Variants in EVC2 observed in about 807,000 individuals in gnomAD.
EVC2 encodes limbin.
In EVC2, 148 loss-of-function variants were observed where a neutral mutation model predicts 149.3. The ratio of observed to expected loss-of-function variants is 0.99; its 90% CI spans 0.87 to 1.14. The LOEUF (loss-of-function observed/expected upper bound fraction) is 1.14, where lower values mean the gene tolerates loss of function less well. EVC2 is among the 50% of genes most tolerant of loss of function. The pLI is 0.00. For missense variants in EVC2, 1,854 were observed against 1,627.3 expected (o/e 1.14, Z -2.40); for synonymous variants, 776 against 649.9 (o/e 1.19, Z -2.95).
At chr4:5,609,051 C>T (rs540239367) in intron 16 of EVC2, among the ~76,000 whole-genome samples, 2 of 152,230 alleles carry the variant, frequency 1.3e-5, no homozygotes, top group South Asian at 4.2e-4. Flanking sequence ...ACACCAGCAG[C>T]TCCCCTAGTT....
chr4:5,694,390 G>C lies in EVC2; in HGVS notation c.395C>G (p.Pro132Arg). 5.6e-6 allele frequency: 9 copies of C among 1,614,108 alleles called. No individual in the cohort carries two copies. Among genetic ancestry groups the C allele is most frequent in the Non-Finnish European group, 7.6e-6 (9 of 1,180,014 alleles). ...PWAHSLFAFI[P>R]SWPKKNLFKR... is the part of the protein sequence containing the mutation. Reference sequence around the variant, plus strand: ...AAATAAGTTCTTCTTAGGCCAGGAGGGTATAAAAGCAAATAAGGAATGAGC... The same window carrying C: ...AAATAAGTTCTTCTTAGGCCAGGAGCGTATAAAAGCAAATAAGGAATGAGC... Residue 132 changes from proline (P) to arginine (R), a missense_variant, in exon 3 of 22, where the codon CCC (proline) becomes CGC (arginine). By Grantham distance (103) the Pro-to-Arg change is moderately radical (BLOSUM62 -2). Transcript: ENST00000344408.
chr4:5,532,132 G>C, the EVC2 span, among the ~76,000 whole-genome samples: 2 of 152,058 alleles, frequency 1.3e-5, no homozygotes, highest in African/African-American at 4.8e-5. Context: ...TATTGATAGA[G>C]ATTTACTTTA....
intron 9 of EVC2, among the ~76,000 whole-genome samples, chr4:5,650,383 A>G (rs1718019491): frequency 6.6e-6 from 1 of 151,880 alleles, no homozygotes; most frequent in Admixed American, 6.6e-5. Flanking sequence ...TTCCTGGGTG[A>G]TATTTCATTA....
chr4:5,658,698 A>T (rs1295129063), intron 9 of EVC2, among the ~76,000 whole-genome samples: 1 of 152,258 alleles, frequency 6.6e-6, no homozygotes, highest in Non-Finnish European at 1.5e-5. Flanking sequence ...AAAGATTGAA[A>T]ACACTCAGGC....
chr4:5,583,498 G>C (rs180872346), intron 17 of EVC2, among the ~76,000 whole-genome samples: 13 of 152,252 alleles, frequency 8.5e-5, no homozygotes, highest in African/African-American at 3.1e-4. Context: ...GTGTGGTTTG[G>C]AAGATTTTAA....
At chr4:5,555,962 G>A (rs757862948) in intron 21 of EVC2, among the ~76,000 whole-genome samples, 9 of 151,842 alleles carry the variant, frequency 5.9e-5, no homozygotes, top group East Asian at 1.9e-4. Context: ...GGCGGATCAC[G>A]AGGTCAGGAG....
At chr4:5,600,103 T>G (rs1473222513) in intron 16 of EVC2, among the ~76,000 whole-genome samples, 1 of 152,182 alleles carries the variant, frequency 6.6e-6, no homozygotes, top group African/African-American at 2.4e-5. Context: ...TTGTTGTATT[T>G]TAAGGTTGAT....
Position 5,677,463 on chromosome 4 carries a change from C to A in EVC2, c.870+3797G>T, listed in dbSNP as rs543379815. Among the ~76,000 whole-genome samples, 18 of 152,292 alleles carry A rather than the reference C, an allele frequency of 1.2e-4. No homozygotes were observed. Among genetic ancestry groups the A allele is most frequent in the African/African-American group, 4.3e-4 (18 of 41,552 alleles). On this transcript the variant is annotated intron_variant, in intron 7 of 21. Coordinates refer to ENST00000344408, the MANE Select transcript of EVC2 (RefSeq NM_147127.5). This position sits in a 1 kb window ranked among gnomAD's most constrained non-coding sequence, Gnocchi z 4.3. ...GGGGCTGGTGTGGCTGAAATCCAGC[C>A]CCAGCTCCACGGCCAGGACTTGCAT...
chr4:5,702,008 T>C (rs1343777813), intron 1 of EVC2, among the ~76,000 whole-genome samples: 1 of 151,916 alleles, frequency 6.6e-6, no homozygotes, highest in Non-Finnish European at 1.5e-5. Flanking sequence ...TGCTCACACA[T>C]CCGCCTGCCA....
chr4:5,654,666 T>C (rs1718385351), intron 9 of EVC2, among the ~76,000 whole-genome samples: 1 of 152,112 alleles, frequency 6.6e-6, no homozygotes, highest in Non-Finnish European at 1.5e-5. Flanking sequence ...GAGAATCCTA[T>C]GGAACATAGG....
intron 16 of EVC2, among the ~76,000 whole-genome samples, chr4:5,605,658 G>A (rs1385087670): frequency 1.3e-5 from 2 of 152,190 alleles, no homozygotes; most frequent in African/African-American, 2.4e-5. Context: ...TATCTGTCCT[G>A]CCCAGGAACT....
intron 21 of EVC2, among the ~76,000 whole-genome samples, chr4:5,556,356 A>G (rs1196430256): frequency 6.6e-6 from 1 of 152,114 alleles, no homozygotes; most frequent in African/African-American, 2.4e-5. Context: ...GGGACAATGA[A>G]GTCTCAAGAG....
intron 6 of EVC2, among the ~76,000 whole-genome samples, chr4:5,683,533 A>T (rs1720488578): frequency 6.6e-6 from 1 of 152,122 alleles, no homozygotes; most frequent in Non-Finnish European, 1.5e-5. Context: ...GGCCCTGGAG[A>T]CACAGTTGTG....
chr4:5,602,920 A>T (rs1208905681), intron 16 of EVC2, among the ~76,000 whole-genome samples: 1 of 152,232 alleles, frequency 6.6e-6, no homozygotes, highest in Non-Finnish European at 1.5e-5. Context: ...CAAGCTAAAC[A>T]GTTAGAAGCT....
chr4:5,643,656 C>T (rs1717499822), intron 9 of EVC2, among the ~76,000 whole-genome samples: 1 of 152,166 alleles, frequency 6.6e-6, no homozygotes, highest in Admixed American at 6.5e-5. Flanking sequence ...TGCAGTGGCT[C>T]ACACCTGTAA....
chr4:5,665,693 G>T (rs1304016327), intron 7 of EVC2, 44 bp from the exon 8 acceptor site: 2 of 1,608,350 alleles, frequency 1.2e-6, no homozygotes, highest in Admixed American at 1.7e-5. Flanking sequence ...TGGTCAGACA[G>T]CATGTCTCCC....
rs186197620 is a variant in EVC2 at position 5,628,563 on chromosome 4, C to T, written c.1882G>A (p.Glu628Lys). The change falls in exon 12 of 22, where the codon GAG becomes AAG. Residue 628 changes from glutamate to lysine, a missense_variant. Physicochemically the swap from Glu to Lys is moderately conservative, Grantham distance 56. Transcript: ENST00000344408. Reference sequence around the variant, plus strand: ...TGGGACAGTGTTGAGTGGTACCTCTCGTGCTTCTGAATGAGGTGAGTCAGC... The same window carrying T: ...TGGGACAGTGTTGAGTGGTACCTCTTGTGCTTCTGAATGAGGTGAGTCAGC... ...AQLTHLIQKH[E>K]RAGYLDEDQM... 486 of 1,614,102 alleles carry T rather than the reference C, an allele frequency of 3.0e-4. 5 individuals carry two copies. The East Asian group carries it at 8.6e-3, about 29-fold the overall frequency.
the EVC2 span, among the ~76,000 whole-genome samples, chr4:5,537,722 C>T: frequency 7.2e-5 from 11 of 152,054 alleles, no homozygotes; most frequent in Admixed American, 3.3e-4. Context: ...TGCAAAATAA[C>T]GAAGAAAATA....
At chr4:5,682,352 T>G (rs1478767702) in intron 6 of EVC2, among the ~76,000 whole-genome samples, 2 of 151,354 alleles carry the variant, frequency 1.3e-5, no homozygotes, top group Non-Finnish European at 2.9e-5. Context: ...TAGCTGGGTG[T>G]GGTGGCGGGC....
Sources: gnomAD v4.1 joint callset for allele counts (sites outside exome capture counted in the v4.1 genomes callset) on GRCh38, gnomAD v4.1.1 for gene constraint, Gnocchi (gnomAD v3.1) non-coding constraint, MANE v1.5 for transcripts, NCBI Gene and HGNC (gene_info 2026-07-23, HGNC 2026-07-21) for gene names.